Variants in PLCH1 observed in about 807,000 individuals in gnomAD.
The protein encoded by PLCH1 is phospholipase C eta 1.
In PLCH1, 60 loss-of-function variants were observed where a neutral mutation model predicts 126.7. The ratio of observed to expected loss-of-function variants is 0.47; its 90% CI spans 0.38 to 0.59. The LOEUF is 0.59. Ranked by LOEUF, PLCH1 falls within the 20% of genes least tolerant of loss-of-function variation. PLCH1 has a pLI of 0.00. For synonymous variants in PLCH1, 719 were observed against 734.9 expected (o/e 0.98, Z 0.35); for missense variants, 1,723 against 2,040.0 (o/e 0.84, Z 2.99).
At chr3:155,566,184 CA>C (rs1728399876) in intron 7 of PLCH1, among the ~76,000 whole-genome samples, 1 of 53,884 alleles carries the variant, frequency 1.9e-5, no homozygotes, top group African/African-American at 4.4e-5. Context: ...CATATATACA[CA>C]TATATATACA....
intron 1 of PLCH1, among the ~76,000 whole-genome samples, chr3:155,704,730 A>G (rs908674727): frequency 6.6e-6 from 1 of 152,188 alleles, no homozygotes; most frequent in African/African-American, 2.4e-5. Flanking sequence ...GCCATGAATG[A>G]GCCAAGCACA....
At chr3:155,698,043 T>C (rs1390246517) in intron 2 of PLCH1, among the ~76,000 whole-genome samples, 1 of 152,042 alleles carries the variant, frequency 6.6e-6, no homozygotes, top group East Asian at 1.9e-4. Flanking sequence ...GGCCAGCGGG[T>C]AAGAGGGCTT....
intron 1 of PLCH1, among the ~76,000 whole-genome samples, chr3:155,705,733 A>G (rs1746608450): frequency 6.6e-6 from 1 of 152,202 alleles, no homozygotes; most frequent in African/African-American, 2.4e-5. Context: ...TCCTTCTACA[A>G]CATTAAAGAA....
chr3:155,679,292 T>C (rs1744325557), intron 2 of PLCH1, among the ~76,000 whole-genome samples: 1 of 152,230 alleles, frequency 6.6e-6, no homozygotes, highest in Non-Finnish European at 1.5e-5. Flanking sequence ...TATTTTTTCT[T>C]GCTAAATCTG....
intron 1 of PLCH1, chr3:155,742,452 C>T (rs898793947): frequency 6.6e-6 from 1 of 152,122 alleles, no homozygotes; most frequent in Non-Finnish European, 1.5e-5. Flanking sequence ...TATAAATCCT[C>T]GCTCTGCCCA....
chr3:155,586,610 G>A lies in PLCH1; in HGVS notation c.471-416C>T, dbSNP rs1478874452. Among the ~76,000 whole-genome samples the A allele has an allele frequency of 2.0e-5, 3 of 152,112 alleles. No homozygotes were observed. The East Asian group carries it at 5.8e-4, about 29-fold the overall frequency. On this transcript the variant is annotated intron_variant, in intron 4 of 22. Transcript: ENST00000460012. ...TAATCCCAGCAACTTGTGAGGCTGA[G>A]GCAGGAGAACTGCTTGAACCCGGGA... is the stretch of plus-strand genomic sequence containing the variant.
intron 2 of PLCH1, among the ~76,000 whole-genome samples, chr3:155,598,808 C>T (rs868524513): frequency 6.6e-6 from 1 of 152,160 alleles, no homozygotes; most frequent in Non-Finnish European, 1.5e-5. Context: ...GTACTGAAAA[C>T]AGTAGCTGGC....
rs1713742507 is a variant in PLCH1 at position 155,479,890 on chromosome 3, A to C, written c.*1078T>G. The C allele has an allele frequency of 6.6e-6, 1 of 152,138 alleles. No homozygotes were observed. Among genetic ancestry groups the C allele is most frequent in the Non-Finnish European group, 1.5e-5 (1 of 67,980 alleles). The allele number at this position is 152,138 out of a possible 1,614,324, so 9.4% of individuals were successfully genotyped here. A position where few individuals can be genotyped will look rare whatever the true frequency, so the allele number is the denominator to read the frequency against. ...AAAAAAGTTCACCAAGTGTTTAAAA[A>C]TGTGTTTTAATTATATTTTCATGAA... On this transcript the variant is annotated 3_prime_UTR_variant, in exon 23 of 23. Transcript: ENST00000460012.
chr3:155,596,378 A>G lies in PLCH1; in HGVS notation c.80T>C (p.Val27Ala). ...CTGCATCACACTCATGCATCTTTCAACTGCAAAAGAAATTAGAGTGTATCC... is the reference window on the plus strand; with the variant it reads ...CTGCATCACACTCATGCATCTTTCAGCTGCAAAAGAAATTAGAGTGTATCC... ...HFLVDNSVFH[V>A]ERCMSVMQSG... The change falls in exon 3 of 23, where the codon GTT becomes GCT. Residue 27 changes from valine to alanine, a missense_variant and splice_region_variant. Val to Ala is a moderately conservative substitution (Grantham distance 64). This residue lies in a region of PLCH1 where 776 missense variants were observed against 1,062.9 expected (regional missense o/e 0.73). Transcript: ENST00000460012. The G allele has an allele frequency of 1.2e-6, 2 of 1,610,858 alleles. No individual in the cohort carries two copies. Among genetic ancestry groups the G allele is most frequent in the Non-Finnish European group, 1.7e-6 (2 of 1,178,318 alleles).
At chr3:155,500,874 T>A in intron 13 of PLCH1, 80 bp from the exon 14 acceptor site, 1 of 895,226 alleles carries the variant, frequency 1.1e-6, no homozygotes, top group Non-Finnish European at 1.8e-6. Flanking sequence ...AGCTGGGCTT[T>A]AAAATGCACA....
intron 8 of PLCH1, among the ~76,000 whole-genome samples, chr3:155,564,029 C>T (rs1727979176): frequency 6.6e-6 from 1 of 152,120 alleles, no homozygotes; most frequent in South Asian, 2.1e-4. Flanking sequence ...CACACTGCAG[C>T]TTTGAACTCC....
intron 1 of PLCH1, among the ~76,000 whole-genome samples, chr3:155,712,601 G>A (rs1747211108): frequency 1.3e-5 from 2 of 152,112 alleles, no homozygotes; most frequent in Non-Finnish European, 2.9e-5. Context: ...TTAGCCAGGA[G>A]AGGTAGCAGA....
At position 155,661,024 on chromosome 3, in the gene PLCH1, G is replaced by A. The variant is rs542504472; in HGVS notation, c.79+43122C>T. Among the ~76,000 whole-genome samples, 46 of 152,296 alleles carry A rather than the reference G, an allele frequency of 3.0e-4. 1 individual carries two copies. In the South Asian group the frequency reaches 5.4e-3, roughly 18 times the overall value. ...TTAGAATAGGGAAGTATTGTCCTCT[G>A]CCAAATTTGTCAGCATTGCCCATAG... On this transcript the variant is annotated intron_variant, in intron 2 of 22. Transcript: ENST00000460012.
intron 2 of PLCH1, among the ~76,000 whole-genome samples, chr3:155,632,287 A>T (rs1738144713): frequency 6.6e-6 from 1 of 152,160 alleles, no homozygotes; most frequent in Admixed American, 6.5e-5. Flanking sequence ...ACCCACTTTC[A>T]CACACGCTAC....
At chr3:155,469,114 A>C (rs1020544708) in intron 21 of PLCH1, among the ~76,000 whole-genome samples, 1 of 152,218 alleles carries the variant, frequency 6.6e-6, no homozygotes, top group Admixed American at 6.5e-5. Flanking sequence ...TACAGCTCCC[A>C]ACGTGAGCGA....
chr3:155,639,182 AG>A (rs1381813575), intron 2 of PLCH1, among the ~76,000 whole-genome samples: 1 of 152,076 alleles, frequency 6.6e-6, no homozygotes, highest in Non-Finnish European at 1.5e-5. Context: ...ACCAGGGGCC[AG>A]GGGTGGTGCT....
intron 6 of PLCH1, among the ~76,000 whole-genome samples, chr3:155,568,754 C>CTGTGTGTGTG (rs3068946): frequency 0.087 from 12,755 of 147,156 alleles, 647 homozygotes; most frequent in Non-Finnish European, 0.12. Context: ...AAATGTACCT[C>CTGTGTGTGTG]TGTGTGTGTG....
chr3:155,638,090 C>T (rs1335793854), intron 2 of PLCH1, among the ~76,000 whole-genome samples: 3 of 152,314 alleles, frequency 2.0e-5, no homozygotes, highest in East Asian at 3.9e-4. Flanking sequence ...ATTATGCTTT[C>T]TTCCCCTTAT....
intron 6 of PLCH1, among the ~76,000 whole-genome samples, chr3:155,570,700 CTG>C (rs1210726852): frequency 6.6e-6 from 1 of 152,148 alleles, no homozygotes; most frequent in African/African-American, 2.4e-5. Context: ...AGTCACAAAA[CTG>C]TAAGAGGCAG....
Sources: gnomAD v4.1 joint callset for allele counts (sites outside exome capture counted in the v4.1 genomes callset) on GRCh38, gnomAD v4.1.1 for gene constraint, gnomAD v4.1.1 regional missense constraint, MANE v1.5 for transcripts, NCBI Gene and HGNC (gene_info 2026-07-23, HGNC 2026-07-21) for gene names.